The following BCAR3 variants were observed in gnomAD, a reference collection of about 807,000 sequenced individuals.
The protein encoded by BCAR3 is BCAR3 adaptor protein, NSP family member, also known as breast cancer anti-estrogen resistance protein 3.
In BCAR3, 37 loss-of-function variants were observed where a neutral mutation model predicts 80.1. The observed-to-expected ratio is 0.46, with a 90% CI of 0.36 to 0.61. BCAR3 has a LOEUF of 0.61. BCAR3 is among the 20% of genes least tolerant of loss of function. The probability of loss-of-function intolerance (pLI) is 0.00; values close to 1 mark genes in which losing one functional copy is unlikely to be tolerated. For synonymous variants in BCAR3, 389 were observed against 418.9 expected (o/e 0.93, Z 0.87); for missense variants, 978 against 1,068.2 (o/e 0.92, Z 1.18).
rs1392796502 is a variant in BCAR3, at chr1:93,659,829, C to T, written c.317+14785G>A. 2.0e-5 allele frequency among the ~76,000 whole-genome samples: 3 copies of T among 152,002 alleles called. No homozygotes were observed. The East Asian group carries it at 5.8e-4, about 29-fold the overall frequency. ...CTTCTCTGACCACACGTTCCCACCC[C>T]CACCCACACACACAACTCATACAAT... On this transcript the variant is annotated intron_variant, in intron 2 of 11. Transcript: ENST00000260502.
chr1:93,602,169 GT>G (rs1394897700), intron 3 of BCAR3: 1 of 151,854 alleles, frequency 6.6e-6, no homozygotes, highest in African/African-American at 2.4e-5. Flanking sequence ...CTGGAGTGCA[GT>G]GGCGCATTCA....
chr1:93,680,431 A>C, intron 1 of BCAR3, among the ~76,000 whole-genome samples: 1 of 152,058 alleles, frequency 6.6e-6, no homozygotes, highest in East Asian at 1.9e-4. Context: ...TGGGCTTCCC[A>C]TTGTTACCCG....
chr1:93,722,742 C>T (rs1229606815), intron 2 of BCAR3, among the ~76,000 whole-genome samples: 10 of 152,168 alleles, frequency 6.6e-5, no homozygotes, highest in South Asian at 2.1e-4. Context: ...GGAAATCACC[C>T]GGAGGAATAT....
intron 2 of BCAR3, among the ~76,000 whole-genome samples, chr1:93,714,427 T>A (rs11164966): frequency 2.6e-5 from 4 of 151,978 alleles, no homozygotes; most frequent in African/African-American, 4.8e-5. Flanking sequence ...GCCTGGCACA[T>A]AGTGGGAGTT....
intron 2 of BCAR3, among the ~76,000 whole-genome samples, chr1:93,666,697 G>C (rs1218129496): frequency 6.6e-6 from 1 of 152,190 alleles, no homozygotes; most frequent in Non-Finnish European, 1.5e-5. Flanking sequence ...AAAGGCTCGG[G>C]GCCCGTTCAC....
At position 93,582,581 on chromosome 1, in the gene BCAR3, C is replaced by A. The variant is rs138527879; in HGVS notation, c.1406G>T (p.Arg469Leu). 3.2e-5 allele frequency: 52 copies of A among 1,613,416 alleles called. No individual in the cohort carries two copies. The African/African-American group carries it at 6.1e-4, about 19-fold the overall frequency. ...GATCAAGTAGTTGACGCCAGAGTTC[C>A]GGGGACCTGGCGCCTCATTCTGCTT... ...TAKQNEAPGP[R>L]NSGVNYLILD... Residue 469 changes from arginine (R) to leucine (L), a missense_variant, in exon 7 of 12, where the codon CGG (arginine) becomes CTG (leucine). Transcript: ENST00000260502.
intron 3 of BCAR3, among the ~76,000 whole-genome samples, chr1:93,601,870 G>C (rs544559459): frequency 6.6e-6 from 1 of 152,186 alleles, no homozygotes; most frequent in East Asian, 1.9e-4. Context: ...AGTTGGGAGT[G>C]TCAGGCTCCA....
chr1:93,777,172 CT>C (rs1418801798), intron 2 of BCAR3, among the ~76,000 whole-genome samples: 1 of 152,152 alleles, frequency 6.6e-6, no homozygotes, highest in Non-Finnish European at 1.5e-5. Context: ...GAACACAGCC[CT>C]GTCAGTATTT....
upstream of BCAR3, among the ~76,000 whole-genome samples, chr1:93,685,507 C>A (rs1439421927): frequency 6.6e-6 from 1 of 152,188 alleles, no homozygotes; most frequent in Non-Finnish European, 1.5e-5. Flanking sequence ...GAGGGACTCT[C>A]TTCATTCTTT....
chr1:93,788,108 T>A (rs1041943488), intron 2 of BCAR3, among the ~76,000 whole-genome samples: 4 of 152,180 alleles, frequency 2.6e-5, no homozygotes, highest in Non-Finnish European at 5.9e-5. Flanking sequence ...TTAAAGTCTG[T>A]TTTGTCTGAT....
chr1:93,569,725 T>A (rs1673129325), intron 9 of BCAR3, among the ~76,000 whole-genome samples: 1 of 149,466 alleles, frequency 6.7e-6, no homozygotes, highest in African/African-American at 2.4e-5. Context: ...GCTGATGTGC[T>A]CCAGAAGGGA....
chr1:93,697,662 T>C (rs1322489489), intron 3 of BCAR3, among the ~76,000 whole-genome samples: 1 of 152,100 alleles, frequency 6.6e-6, no homozygotes, highest in Non-Finnish European at 1.5e-5. Flanking sequence ...GACCCAGCCC[T>C]GGAATGGGTC....
At chr1:93,799,400 A>G (rs1449655410) in intron 2 of BCAR3, among the ~76,000 whole-genome samples, 4 of 152,220 alleles carry the variant, frequency 2.6e-5, no homozygotes, top group African/African-American at 9.6e-5. Flanking sequence ...CAATGCATGT[A>G]AAGACTGTTC....
At chr1:93,566,415 C>T (rs1465771399) in intron 11 of BCAR3, among the ~76,000 whole-genome samples, 3 of 152,194 alleles carry the variant, frequency 2.0e-5, no homozygotes, top group Non-Finnish European at 4.4e-5. Context: ...CTGCATTTAT[C>T]GTACCTGCTT....
chr1:93,824,406 A>G lies in BCAR3; in HGVS notation c.-63+21161T>C, dbSNP rs139031035. The stretch of plus-strand genomic sequence containing the variant: ...AGGGGCCAGGAGCAGGTGCTCATCC[A>G]TCCATGGCTGGTGGGTAGGTGGAGG... On this transcript the variant is annotated intron_variant, in intron 2 of 13. Transcript: ENST00000370244. Among the ~76,000 whole-genome samples the G allele has an allele frequency of 5.3e-3, 711 of 133,594 alleles. 90 individuals carry two copies. Among genetic ancestry groups the G allele is most frequent in the African/African-American group, 0.017 (668 of 39,904 alleles). 87.6% of individuals were successfully genotyped at this position (133,594 alleles called of 152,430 possible). A position where few individuals can be genotyped will look rare whatever the true frequency, so the allele number is the denominator to read the frequency against.
intron 3 of BCAR3, among the ~76,000 whole-genome samples, chr1:93,699,917 G>A (rs1046597694): frequency 6.6e-6 from 1 of 152,146 alleles, no homozygotes; most frequent in Non-Finnish European, 1.5e-5. Context: ...AAGGGACTTG[G>A]ACAGCCTGGC....
intron 2 of BCAR3, among the ~76,000 whole-genome samples, chr1:93,668,726 T>C (rs940739125): frequency 7.9e-5 from 12 of 152,054 alleles, no homozygotes; most frequent in Admixed American, 3.3e-4. Flanking sequence ...TTTTTTTTTT[T>C]CTAAGACGGA....
Position 93,583,952 on chromosome 1 carries a change from A to C in BCAR3, c.1033+66T>G, listed in dbSNP as rs144084941. 9.3e-5 allele frequency: 137 copies of C among 1,470,168 alleles called. 2 individuals are homozygous for C. In the African/African-American group the frequency reaches 1.5e-3, roughly 17 times the overall value. The allele number at this position is 1,470,168 out of a possible 1,614,324, so 91.1% of individuals were successfully genotyped here. On this transcript the variant is annotated intron_variant, in intron 6 of 11. Coordinates refer to ENST00000260502, the MANE Select transcript of BCAR3 (RefSeq NM_003567.4). ...TTCGAATGAGACAACTAGATGGGGC[A>C]GGGTAACAGCCTGAAGGAAACCAGG...
intron 2 of BCAR3, among the ~76,000 whole-genome samples, chr1:93,651,786 T>C: frequency 6.6e-6 from 1 of 152,134 alleles, no homozygotes; most frequent in South Asian, 2.1e-4. Context: ...GCCTTACCCC[T>C]ACCCTACACT....
Sources: gnomAD v4.1 joint callset for allele counts (sites outside exome capture counted in the v4.1 genomes callset) on GRCh38, gnomAD v4.1.1 for gene constraint, MANE v1.5 for transcripts, NCBI Gene and HGNC (gene_info 2026-07-23, HGNC 2026-07-21) for gene names.